CLSTN2: variants seen among roughly 807,000 people sequenced by gnomAD.
CLSTN2 encodes the protein calsyntenin 2.
A neutral mutation model predicts 101.2 loss-of-function variants in CLSTN2; 48 were observed. The observed-to-expected ratio is 0.47, with a 90% CI of 0.38 to 0.60. CLSTN2 has a LOEUF of 0.60. CLSTN2 is among the 20% of genes least tolerant of loss of function. The probability of loss-of-function intolerance (pLI) is 0.00; values close to 1 mark genes in which losing one functional copy is unlikely to be tolerated. For missense variants in CLSTN2, 1,160 were observed against 1,238.2 expected (o/e 0.94, Z 0.95); for synonymous variants, 481 against 463.6 (o/e 1.04, Z -0.48).
At chr3:140,513,403 A>G (rs940318168) in intron 8 of CLSTN2, among the ~76,000 whole-genome samples, 7 of 152,220 alleles carry the variant, frequency 4.6e-5, no homozygotes, top group African/African-American at 1.4e-4. Flanking sequence ...TATGTGATGA[A>G]TCACATTTAT....
chr3:140,303,596 AT>A (rs2087081682), intron 2 of CLSTN2, among the ~76,000 whole-genome samples: 1 of 152,264 alleles, frequency 6.6e-6, no homozygotes, highest in South Asian at 2.1e-4. Flanking sequence ...AAAATTTAAA[AT>A]ATATCCAACT....
At chr3:140,461,087 A>G (rs1242474279) in intron 7 of CLSTN2, 2 of 152,220 alleles carry the variant, frequency 1.3e-5, no homozygotes, top group Admixed American at 6.5e-5. Flanking sequence ...TATTATTATT[A>G]CTTCCAGTTT....
chr3:140,531,080 C>CA, intron 8 of CLSTN2, among the ~76,000 whole-genome samples: 1 of 152,146 alleles, frequency 6.6e-6, no homozygotes, highest in South Asian at 2.1e-4. Context: ...ACCCCAATAA[C>CA]AGGCCTAGCT....
chr3:140,461,978 G>T (rs573706935), intron 7 of CLSTN2, among the ~76,000 whole-genome samples: 150 of 96,190 alleles, frequency 1.6e-3, no homozygotes, highest in Middle Eastern at 6.8e-3. Context: ...CTTGATTATG[G>T]CTTTTTTACA....
At chr3:140,233,229 G>A (rs756148542) in intron 2 of CLSTN2, among the ~76,000 whole-genome samples, 58 of 151,980 alleles carry the variant, frequency 3.8e-4, no homozygotes, top group Non-Finnish European at 7.6e-4. Context: ...GTTTCCTCCC[G>A]CCTCTAGCTT....
intron 2 of CLSTN2, among the ~76,000 whole-genome samples, chr3:140,382,802 A>C (rs564838618): frequency 6.6e-6 from 1 of 152,308 alleles, no homozygotes; most frequent in African/African-American, 2.4e-5. Context: ...ACATGGCAGA[A>C]GTGGCAAGCA....
At chr3:140,479,650 T>C (rs546655) in intron 8 of CLSTN2, among the ~76,000 whole-genome samples, 46,680 of 152,086 alleles carry the variant, frequency 0.31, 8,610 homozygotes, top group African/African-American at 0.53. Context: ...TAAATGAAAC[T>C]ATACAGAAAT....
chr3:140,496,828 C>T (rs552644028), intron 8 of CLSTN2, among the ~76,000 whole-genome samples: 12 of 152,182 alleles, frequency 7.9e-5, no homozygotes, highest in South Asian at 6.2e-4. Context: ...TCTAGCCGGG[C>T]GCGGTGGCTC....
intron 2 of CLSTN2, among the ~76,000 whole-genome samples, chr3:140,237,890 G>C (rs1361371461): frequency 6.6e-6 from 1 of 152,110 alleles, no homozygotes; most frequent in Admixed American, 6.6e-5. Flanking sequence ...ACCCAAGCTT[G>C]CACAGTTAAC....
intron 2 of CLSTN2, among the ~76,000 whole-genome samples, chr3:140,224,257 A>C (rs1576473302): frequency 6.6e-6 from 1 of 152,130 alleles, no homozygotes; most frequent in South Asian, 2.1e-4. Context: ...GTAATCCTCC[A>C]CTTTCTCATC....
intron 1 of CLSTN2, among the ~76,000 whole-genome samples, chr3:139,994,301 C>G (rs141464981): frequency 6.6e-6 from 1 of 152,272 alleles, no homozygotes. Context: ...TTGTCAGTGA[C>G]CTTTCCTTGT....
At chr3:140,118,811 G>A (rs1402340104) in intron 1 of CLSTN2, among the ~76,000 whole-genome samples, 5 of 152,152 alleles carry the variant, frequency 3.3e-5, no homozygotes, top group African/African-American at 1.2e-4. Context: ...GCAGAAATGC[G>A]TGTTATGTCA....
At chr3:140,392,678 G>A (rs996984212) in intron 2 of CLSTN2, among the ~76,000 whole-genome samples, 1 of 152,114 alleles carries the variant, frequency 6.6e-6, no homozygotes, top group African/African-American at 2.4e-5. Context: ...TTTCGAGGAG[G>A]AGTTTTCAAT....
intron 2 of CLSTN2, among the ~76,000 whole-genome samples, chr3:140,289,105 T>C (rs1245580489): frequency 6.6e-6 from 1 of 152,200 alleles, no homozygotes; most frequent in Non-Finnish European, 1.5e-5. Context: ...GTGTAGCTAA[T>C]GTGACTGCTT....
intron 2 of CLSTN2, among the ~76,000 whole-genome samples, chr3:140,209,559 TGG>T (rs2010829360): frequency 6.6e-6 from 1 of 152,136 alleles, no homozygotes; most frequent in Non-Finnish European, 1.5e-5. Context: ...CATACTTGCA[TGG>T]GGTGCTGAGG....
intron 8 of CLSTN2, among the ~76,000 whole-genome samples, chr3:140,490,746 C>T (rs1432536381): frequency 2.0e-5 from 3 of 152,076 alleles, no homozygotes; most frequent in Middle Eastern, 3.2e-3. Context: ...ATTGATACTA[C>T]GATCTGCTCA....
At chr3:139,977,874 T>C (rs1935846690) in intron 1 of CLSTN2, among the ~76,000 whole-genome samples, 1 of 152,168 alleles carries the variant, frequency 6.6e-6, no homozygotes, top group African/African-American at 2.4e-5. Context: ...AGCTTTGGAA[T>C]TGAGATTATT....
intron 2 of CLSTN2, among the ~76,000 whole-genome samples, chr3:140,310,804 A>T (rs1386758914): frequency 1.3e-5 from 2 of 152,260 alleles, no homozygotes; most frequent in Non-Finnish European, 2.9e-5. Flanking sequence ...CAGAGCAAGC[A>T]CTAAATATTG....
intron 1 of CLSTN2, among the ~76,000 whole-genome samples, chr3:139,992,953 T>C (rs951525061): frequency 6.6e-6 from 1 of 152,236 alleles, no homozygotes; most frequent in African/African-American, 2.4e-5. Flanking sequence ...CTGCATCCTA[T>C]TGGGACGAAC....
Sources: allele counts gnomAD v4.1 joint callset (sites outside exome capture counted in the v4.1 genomes callset), GRCh38; gene constraint gnomAD v4.1.1; transcripts MANE v1.5; gene names NCBI Gene and HGNC (gene_info 2026-07-23, HGNC 2026-07-21).